Variants in SLFN12L observed in about 807,000 individuals in gnomAD.
The protein encoded by SLFN12L is schlafen family member 12 like.
A neutral mutation model predicts 34.8 loss-of-function variants in SLFN12L; 34 were observed. The observed-to-expected ratio is 0.98, with a 90% CI of 0.74 to 1.30. The LOEUF is 1.30. SLFN12L is among the 50% of genes most tolerant of loss of function. The pLI is 0.00. For missense variants in SLFN12L, 703 were observed against 696.2 expected, an observed-to-expected ratio of 1.01 and a Z score of -0.11; for synonymous variants, 259 against 247.5, an observed-to-expected ratio of 1.05 and a Z score of -0.44.
At chr17:35,514,012 C>T (rs1423833089) in intron 2 of SLFN12L, among the ~76,000 whole-genome samples, 1 of 152,200 alleles carries the variant, frequency 6.6e-6, no homozygotes, top group African/African-American at 2.4e-5. Context: ...AGATACTAAA[C>T]AGAACCAAAT....
intron 1 of SLFN12L, among the ~76,000 whole-genome samples, chr17:35,531,654 T>C (rs906651689): frequency 6.6e-6 from 1 of 152,114 alleles, no homozygotes; most frequent in African/African-American, 2.4e-5. Context: ...TTCACTCTTG[T>C]TGCCCAGGCT....
At chr17:35,478,983 G>C (rs1914160663) in intron 3 of SLFN12L, 134 bp downstream of exon 3, 1 of 638,426 alleles carries the variant, frequency 1.6e-6, no homozygotes. Context: ...AAGAGGCAGG[G>C]AAGTATTGGT....
rs1914131441 is a variant in SLFN12L at position 35,478,335 on chromosome 17, G to A, written c.1166-150C>T. ...ATTAGATATTGTGGTTACATATTGT[G>A]GTTAGATTCCTAGGTCAGATACAAA... On this transcript the variant is annotated intron_variant, in intron 3 of 4. Coordinates refer to ENST00000628453, the MANE Select transcript of SLFN12L (RefSeq NM_001363830.2). The A allele has an allele frequency of 5.7e-6, 3 of 524,212 alleles. No homozygotes were observed. In the South Asian group the frequency reaches 7.2e-5, roughly 13 times the overall value. The allele number at this position is 524,212 out of a possible 1,614,324, so 32.5% of individuals were successfully genotyped here.
At chr17:35,508,675 CA>C (rs1915545047) in intron 2 of SLFN12L, among the ~76,000 whole-genome samples, 1 of 152,080 alleles carries the variant, frequency 6.6e-6, no homozygotes, top group South Asian at 2.1e-4. Flanking sequence ...TAGTACTCTC[CA>C]AAATATTTTT....
intron 2 of SLFN12L, among the ~76,000 whole-genome samples, chr17:35,521,115 A>G (rs1915983233): frequency 6.6e-6 from 1 of 152,214 alleles, no homozygotes; most frequent in Non-Finnish European, 1.5e-5. Flanking sequence ...GACATTCTAC[A>G]AAGTGCCTGA....
At chr17:35,535,472 C>T (rs1325787516) in intron 1 of SLFN12L, among the ~76,000 whole-genome samples, 1 of 150,976 alleles carries the variant, frequency 6.6e-6, no homozygotes, top group Admixed American at 6.6e-5. Flanking sequence ...GCTGGGATTA[C>T]AGCACCGCAC....
At chr17:35,475,728 T>C (rs928441413) in intron 4 of SLFN12L, among the ~76,000 whole-genome samples, 1 of 151,798 alleles carries the variant, frequency 6.6e-6, no homozygotes, top group Non-Finnish European at 1.5e-5. Context: ...GTAAGACCTC[T>C]TCTCTACAAA....
chr17:35,495,655 C>G (rs1338923438), intron 2 of SLFN12L, among the ~76,000 whole-genome samples: 1 of 151,916 alleles, frequency 6.6e-6, no homozygotes, highest in Non-Finnish European at 1.5e-5. Context: ...AAGCTTCGGC[C>G]CGCGCCCACC....
intron 2 of SLFN12L, among the ~76,000 whole-genome samples, chr17:35,507,053 G>A (rs1197363855): frequency 2.6e-5 from 4 of 152,210 alleles, no homozygotes; most frequent in African/African-American, 9.7e-5. Context: ...CACCAGGACT[G>A]GACAGCCCCC....
At chr17:35,490,972 T>G in intron 2 of SLFN12L, 4 of 785,174 alleles carry the variant, frequency 5.1e-6, no homozygotes, top group Non-Finnish European at 9.4e-6. Flanking sequence ...ACTCAGGACA[T>G]AGCGATTGCT....
intron 4 of SLFN12L, among the ~76,000 whole-genome samples, chr17:35,476,666 C>A (rs1914039963): frequency 6.6e-6 from 1 of 151,968 alleles, no homozygotes; most frequent in African/African-American, 2.4e-5. Flanking sequence ...ATACCCCAGA[C>A]TTTAAGACCC....
At chr17:35,491,907 A>C (rs1181005210) in intron 2 of SLFN12L, among the ~76,000 whole-genome samples, 1 of 152,236 alleles carries the variant, frequency 6.6e-6, no homozygotes, top group Non-Finnish European at 1.5e-5. Flanking sequence ...ACAGAAGACT[A>C]GTAGAGTTCT....
intron 2 of SLFN12L, among the ~76,000 whole-genome samples, chr17:35,514,103 C>T (rs1458312370): frequency 6.6e-6 from 1 of 152,202 alleles, no homozygotes; most frequent in Non-Finnish European, 1.5e-5. Context: ...GGAAAGTGAG[C>T]TCACAAAGCT....
Position 35,522,701 on chromosome 17 carries a change from T to G in SLFN12L, c.-337A>C. ...CACACCTCCCCAGTGTAGCCCCCCA[T>G]GTTCACCAGCTTCTGCTTCAAAGTA... On this transcript the variant is annotated 5_prime_UTR_variant, in exon 2 of 5. The change abolishes an upstream ATG in the 5' untranslated region. Transcript: ENST00000628453. 1.9e-6 allele frequency: 3 copies of G among 1,614,130 alleles called. No homozygotes were observed. The highest frequency in any genetic ancestry group is 2.5e-6 in the Non-Finnish European group (3 of 1,180,008).
chr17:35,533,587 T>C (rs2072431268), intron 1 of SLFN12L, among the ~76,000 whole-genome samples: 1 of 152,032 alleles, frequency 6.6e-6, no homozygotes, highest in Admixed American at 6.6e-5. Context: ...AGAATGCAAA[T>C]GAGGTGAAGA....
At chr17:35,503,652 A>T (rs563726823) in intron 2 of SLFN12L, among the ~76,000 whole-genome samples, 1 of 152,342 alleles carries the variant, frequency 6.6e-6, no homozygotes, top group Non-Finnish European at 1.5e-5. Flanking sequence ...ATGTCCCCAC[A>T]TTTAAAACAA....
At chr17:35,476,521 A>AAG (rs1567642755) in intron 4 of SLFN12L, among the ~76,000 whole-genome samples, 3 of 121,184 alleles carry the variant, frequency 2.5e-5, no homozygotes, top group Non-Finnish European at 5.4e-5. Flanking sequence ...AAGGAAGGAA[A>AAG]GAAGGAAGGA....
chr17:35,512,459 G>A (rs1915683509), intron 2 of SLFN12L, among the ~76,000 whole-genome samples: 1 of 148,474 alleles, frequency 6.7e-6, no homozygotes, highest in Non-Finnish European at 1.5e-5. Context: ...TCCGCCTCCC[G>A]GGTTCACACC....
At chr17:35,499,700 C>T (rs767502605) in intron 2 of SLFN12L, 10 of 264,796 alleles carry the variant, frequency 3.8e-5, no homozygotes, top group African/African-American at 7.1e-5. Context: ...GAGGCCAGTC[C>T]GTATCCTGTG....
Sources: gnomAD v4.1 joint callset for allele counts (sites outside exome capture counted in the v4.1 genomes callset) on GRCh38, gnomAD v4.1.1 for gene constraint, MANE v1.5 for transcripts, NCBI Gene and HGNC (gene_info 2026-07-23, HGNC 2026-07-21) for gene names.